The following SH3GL3 variants were observed in gnomAD, a reference collection of about 807,000 sequenced individuals.
SH3GL3 encodes endophilin-A3.
In SH3GL3, 33 loss-of-function variants were observed where a neutral mutation model predicts 47.7. That is an observed-to-expected ratio of 0.69 (90% confidence interval 0.52 to 0.92). SH3GL3 has a LOEUF of 0.92. SH3GL3 is among the 40% of genes least tolerant of loss of function. The pLI, the probability that SH3GL3 is intolerant of heterozygous loss-of-function variation, is 0.00. For missense variants in SH3GL3, 363 were observed against 417.8 expected, an observed-to-expected ratio of 0.87 and a Z score of 1.14; for synonymous variants, 155 against 148.8, an observed-to-expected ratio of 1.04 and a Z score of -0.30.
chr15:83,544,579 T>G (rs1173874092), intron 1 of SH3GL3, among the ~76,000 whole-genome samples: 1 of 152,182 alleles, frequency 6.6e-6, no homozygotes, highest in Non-Finnish European at 1.5e-5. Context: ...ATGTACTTAC[T>G]GTTACCAGTG....
chr15:83,565,031 C>T (rs536822525), intron 2 of SH3GL3, 103 bp from the exon 3 acceptor site: 41 of 548,228 alleles, frequency 7.5e-5, no homozygotes, highest in South Asian at 7.4e-4. Flanking sequence ...TCATCATAAT[C>T]GTGTTAGAAG....
intron 4 of SH3GL3, among the ~76,000 whole-genome samples, chr15:83,570,719 A>G (rs1477598843): frequency 6.6e-6 from 1 of 152,240 alleles, no homozygotes; most frequent in Non-Finnish European, 1.5e-5. Context: ...TGGAGGAAAT[A>G]TCTTTTGAAA....
intron 8 of SH3GL3, among the ~76,000 whole-genome samples, chr15:83,608,327 A>G (rs556349051): frequency 6.6e-6 from 1 of 152,322 alleles, no homozygotes; most frequent in East Asian, 1.9e-4. Context: ...TAAGGAAATC[A>G]GGACCCAAAG....
intron 8 of SH3GL3, among the ~76,000 whole-genome samples, chr15:83,594,731 G>A (rs1056201564): frequency 2.0e-5 from 3 of 152,134 alleles, no homozygotes; most frequent in Admixed American, 1.3e-4. Flanking sequence ...GTCTTTACAT[G>A]GTTAGACTGG....
intron 8 of SH3GL3, among the ~76,000 whole-genome samples, chr15:83,597,985 T>A (rs891503175): frequency 6.6e-6 from 1 of 152,256 alleles, no homozygotes; most frequent in Non-Finnish European, 1.5e-5. Flanking sequence ...GTCTACTTTA[T>A]GAAGTTGTTT....
chr15:83,471,962 C>A (rs1330497567), intron 1 of SH3GL3, among the ~76,000 whole-genome samples: 1 of 152,118 alleles, frequency 6.6e-6, no homozygotes, highest in Non-Finnish European at 1.5e-5. Flanking sequence ...CAGCTCACTG[C>A]AACCTCTGCC....
intron 1 of SH3GL3, among the ~76,000 whole-genome samples, chr15:83,479,816 C>T (rs1364621553): frequency 6.6e-6 from 1 of 152,114 alleles, no homozygotes; most frequent in African/African-American, 2.4e-5. Flanking sequence ...TGCCACCTAC[C>T]AGCTCTGTGA....
chr15:83,556,258 TTGAC>T (rs2044954366), intron 1 of SH3GL3, among the ~76,000 whole-genome samples: 1 of 152,264 alleles, frequency 6.6e-6, no homozygotes, highest in East Asian at 1.9e-4. Flanking sequence ...TATTTGTTCA[TTGAC>T]TGACCTCTGA....
At chr15:83,622,174 A>C (rs897779536), downstream of SH3GL3, among the ~76,000 whole-genome samples, 2 of 152,214 alleles carry the variant, frequency 1.3e-5, no homozygotes, top group Admixed American at 6.5e-5. Flanking sequence ...TTTTCAGATA[A>C]GGGAACAGAG....
intron 1 of SH3GL3, among the ~76,000 whole-genome samples, chr15:83,484,058 A>G (rs1233428169): frequency 6.6e-6 from 1 of 152,210 alleles, no homozygotes; most frequent in African/African-American, 2.4e-5. Context: ...TTGATGCAAA[A>G]GCTTCAGTGT....
At chr15:83,625,987 C>T in the SH3GL3 span, among the ~76,000 whole-genome samples, 1 of 152,138 alleles carries the variant, frequency 6.6e-6, no homozygotes, top group South Asian at 2.1e-4. Context: ...CACCCACCAC[C>T]ACACCCAGCT....
At chr15:83,605,779 G>A (rs1215265922) in intron 8 of SH3GL3, among the ~76,000 whole-genome samples, 3 of 152,142 alleles carry the variant, frequency 2.0e-5, no homozygotes, top group Admixed American at 1.3e-4. Context: ...CGCGAGTGTG[G>A]GGTCATGCTG....
chr15:83,495,123 G>A (rs1258988146), intron 1 of SH3GL3, among the ~76,000 whole-genome samples: 1 of 152,112 alleles, frequency 6.6e-6, no homozygotes, highest in Non-Finnish European at 1.5e-5. Context: ...TGCTGGTGTG[G>A]CACCTGTGTC....
intron 2 of SH3GL3, 39 bp downstream of exon 2, chr15:83,559,360 C>G: frequency 9.1e-7 from 1 of 1,093,828 alleles, no homozygotes; most frequent in East Asian, 2.4e-5. Context: ...TAGAAACTGA[C>G]TTTCATTGTG....
rs564402175 is a variant in SH3GL3 at position 83,500,667 on chromosome 15, A to T, written c.45+53089A>T. On this transcript the variant is annotated intron_variant, in intron 1 of 8. Coordinates refer to ENST00000427482, the MANE Select transcript of SH3GL3 (RefSeq NM_003027.5). Reference sequence around the variant, plus strand: ...GGGAGAGGATAGGATGGCACTGGGCAGATCAATTTCCCTTCCTTTCTCCCT... The same window carrying T: ...GGGAGAGGATAGGATGGCACTGGGCTGATCAATTTCCCTTCCTTTCTCCCT... Among the ~76,000 whole-genome samples the T allele has an allele frequency of 5.9e-5, 9 of 152,368 alleles. No individual in the cohort carries two copies. In the East Asian group the frequency reaches 1.7e-3, roughly 29 times the overall value.
chr15:83,457,954 T>C (rs561805458), intron 1 of SH3GL3, among the ~76,000 whole-genome samples: 1 of 152,348 alleles, frequency 6.6e-6, no homozygotes, highest in South Asian at 2.1e-4. Flanking sequence ...GGGATTTTTT[T>C]CCCTATTGCT....
chr15:83,562,021 C>G (rs796708942), intron 2 of SH3GL3, among the ~76,000 whole-genome samples: 8 of 134,558 alleles, frequency 5.9e-5, no homozygotes, highest in African/African-American at 2.2e-4. Context: ...TGAACAGACA[C>G]ACACACACAA....
Position 83,568,546 on chromosome 15 carries a change from G to T in SH3GL3, c.205G>T (p.Gly69Ter). Residue 69 changes from glycine (G) to a stop codon, truncating the protein, a stop_gained, in exon 4 of 9, where the codon GGA becomes TGA. Transcript: ENST00000427482. LOFTEE classifies it high-confidence loss of function. Reference protein sequence around the residue: ...QPNPAYRAKLGMLNTVSKIRG... With the variant: ...QPNPAYRAKL ...TTTTTAAGCATACAGAGCTAAGCTA[G>T]GAATGCTGAACACTGTGTCGAAGAT... 1 of 1,613,334 alleles carries T rather than the reference G, an allele frequency of 6.2e-7. No individual in the cohort carries two copies. The highest frequency in any genetic ancestry group is 1.1e-5 in the South Asian group (1 of 91,030).
the SH3GL3 span, among the ~76,000 whole-genome samples, chr15:83,630,750 G>A: frequency 6.6e-6 from 1 of 152,112 alleles, no homozygotes; most frequent in Non-Finnish European, 1.5e-5. Context: ...AGACATGTGG[G>A]CAGTATGGGA....
Sources: allele counts gnomAD v4.1 joint callset (sites outside exome capture counted in the v4.1 genomes callset), GRCh38; gene constraint gnomAD v4.1.1; transcripts MANE v1.5; gene names NCBI Gene and HGNC (gene_info 2026-07-23, HGNC 2026-07-21).